The following TRNAU1AP variants were observed in gnomAD, a reference collection of about 807,000 sequenced individuals.
TRNAU1AP encodes tRNA selenocysteine 1-associated protein 1.
TRNAU1AP carries 33 observed loss-of-function variants against 43.3 expected under a neutral mutation model. That is an observed-to-expected ratio of 0.76 (90% CI 0.58 to 1.02). The LOEUF (loss-of-function observed/expected upper bound fraction) is 1.02, where lower values mean the gene tolerates loss of function less well. Among genes scored for constraint, TRNAU1AP ranks in the 50% least tolerant of loss-of-function variants. The probability of loss-of-function intolerance (pLI) is 0.00; values close to 1 mark genes in which losing one functional copy is unlikely to be tolerated. For synonymous variants in TRNAU1AP, 143 were observed against 129.1 expected (o/e 1.11, Z -0.73); for missense variants, 290 against 362.7 (o/e 0.80, Z 1.63).
chr1:28,561,081 T>G (rs1232583699), intron 3 of TRNAU1AP: 5 of 1,372,190 alleles, frequency 3.6e-6, no homozygotes, highest in Non-Finnish European at 4.7e-6. Context: ...AAGGACACAT[T>G]TCAAGAGAGT....
chr1:28,553,734 C>A lies in TRNAU1AP; in HGVS notation c.122C>A (p.Thr41Asn), dbSNP rs373345940. Residue 41 changes from threonine (T) to asparagine (N), a missense_variant, in exon 2 of 9, where the codon ACT (threonine) becomes AAT (asparagine). Thr to Asn is a moderately conservative substitution (Grantham distance 65, BLOSUM62 0). Transcript: ENST00000373830. ...MSVKIIRNRL[T>N]GIPAGYCFVE... Reference sequence around the variant, plus strand: ...GTCAAAATTATCCGAAACCGCCTCACTGGGTAAGTCTCATCTCAGGTCTCT... The same window carrying A: ...GTCAAAATTATCCGAAACCGCCTCAATGGGTAAGTCTCATCTCAGGTCTCT... 28 of 1,613,654 alleles carry A rather than the reference C, an allele frequency of 1.7e-5. No individual in the cohort carries two copies. The highest frequency in any genetic ancestry group is 5.0e-5 in the Admixed American group (3 of 59,992).
At chr1:28,553,286 A>C in intron 1 of TRNAU1AP, 149 bp downstream of exon 1, 3 of 973,130 alleles carry the variant, frequency 3.1e-6, no homozygotes, top group Non-Finnish European at 3.0e-6. Flanking sequence ...AGCGGGTTCC[A>C]GCATCTAAGT....
chr1:28,567,671 T>C (rs890590535), intron 6 of TRNAU1AP, among the ~76,000 whole-genome samples: 26 of 152,188 alleles, frequency 1.7e-4, no homozygotes, highest in Admixed American at 1.4e-3. Context: ...GGTGACAGCA[T>C]TGGAAAAGCT....
chr1:28,572,690 T>G (rs1665686830), intron 8 of TRNAU1AP, among the ~76,000 whole-genome samples: 1 of 151,716 alleles, frequency 6.6e-6, no homozygotes, highest in South Asian at 2.1e-4. Context: ...ATCCCAGCAC[T>G]TTGGGAGGCC....
At chr1:28,573,375 T>C (rs1407117263) in intron 8 of TRNAU1AP, among the ~76,000 whole-genome samples, 1 of 145,588 alleles carries the variant, frequency 6.9e-6, no homozygotes, top group Non-Finnish European at 1.5e-5. Flanking sequence ...GCACGGTGGC[T>C]CACCCCTGTA....
chr1:28,559,794 C>G (rs1231015714), intron 2 of TRNAU1AP, among the ~76,000 whole-genome samples: 1 of 152,070 alleles, frequency 6.6e-6, no homozygotes, highest in African/African-American at 2.4e-5. Context: ...ACAATTTTGA[C>G]AAGAGTATTC....
At position 28,577,421 on chromosome 1, in the gene TRNAU1AP, T is replaced by C. The variant is rs1488458296; in HGVS notation, c.728-79T>C. 4.0e-6 allele frequency: 6 copies of C among 1,518,504 alleles called. No individual in the cohort carries two copies. In the African/African-American group the frequency reaches 8.3e-5, roughly 21 times the overall value. 94.1% of individuals were successfully genotyped at this position (1,518,504 alleles called of 1,614,324 possible). ...ATAGGGACCTTACCATAGAACAGAG[T>C]TCTGGGAGAAGGGAACTGAACCAGG... On this transcript the variant is annotated intron_variant, in intron 8 of 8. Transcript: ENST00000373830.
At chr1:28,569,655 G>A (rs61786008) in intron 6 of TRNAU1AP, among the ~76,000 whole-genome samples, 1 of 147,712 alleles carries the variant, frequency 6.8e-6, no homozygotes, top group Non-Finnish European at 1.5e-5. Flanking sequence ...TTGTGCCACT[G>A]CACTCCAGCC....
chr1:28,572,804 G>GCA (rs1665689863), intron 8 of TRNAU1AP, among the ~76,000 whole-genome samples: 1 of 151,222 alleles, frequency 6.6e-6, no homozygotes, highest in Non-Finnish European at 1.5e-5. Context: ...GTGTGGTGAT[G>GCA]GGCGCCTGTA....
rs1410859507 is a variant in TRNAU1AP, at chr1:28,554,218, AAAC to A, written c.125+484_125+486del. On this transcript the variant is annotated intron_variant, in intron 2 of 8. Transcript: ENST00000373830. Reference sequence around the variant, plus strand: ...TGTCTCAAAAAAAAAAAAAACAAAAAAACAAAAAACGCAGGACTCAAGCGAGAC... The same window carrying A: ...TGTCTCAAAAAAAAAAAAAACAAAAAAAAAAACGCAGGACTCAAGCGAGAC... Among the ~76,000 whole-genome samples the A allele has an allele frequency of 5.3e-4, 77 of 145,582 alleles. 1 individual carries two copies. Among genetic ancestry groups the A allele is most frequent in the African/African-American group, 1.8e-3 (63 of 35,704 alleles).
intron 2 of TRNAU1AP, among the ~76,000 whole-genome samples, chr1:28,557,125 G>A (rs1458428031): frequency 6.7e-6 from 1 of 150,296 alleles, no homozygotes; most frequent in Admixed American, 6.6e-5. Flanking sequence ...ACTGTTTATT[G>A]AAATAAGATA....
chr1:28,556,916 C>T (rs911483384), intron 2 of TRNAU1AP, among the ~76,000 whole-genome samples: 3 of 151,876 alleles, frequency 2.0e-5, no homozygotes, highest in Admixed American at 6.6e-5. Flanking sequence ...ATCTTCTGAC[C>T]TCTGCCTGCC....
chr1:28,577,758 TCATGAATGTTTCTA>T lies in TRNAU1AP; in HGVS notation c.*125_*138del. 8.9e-7 allele frequency: 1 copy of T among 1,125,554 alleles called. No homozygotes were observed. The allele number at this position is 1,125,554 out of a possible 1,614,324, so 69.7% of individuals were successfully genotyped here. On this transcript the variant is annotated 3_prime_UTR_variant, in exon 9 of 9. Transcript: ENST00000373830. ...TTTTAATAATGACTGTTTTTGGAGA[TCATGAATGTTTCTA>T]CAACACTGCTGCATTCATTTGACCA...
chr1:28,568,726 A>G (rs1197166795), intron 6 of TRNAU1AP, among the ~76,000 whole-genome samples: 1 of 152,046 alleles, frequency 6.6e-6, no homozygotes, highest in Non-Finnish European at 1.5e-5. Context: ...ATACTGTTAA[A>G]CATCATGCAA....
In TRNAU1AP at chr1:28,577,408, C is replaced by G. The variant is rs1224194160; in HGVS notation, c.728-92C>G. ...AGAAACTGGCAGGATAGGGACCTTA[C>G]CATAGAACAGAGTTCTGGGAGAAGG... is the stretch of plus-strand genomic sequence containing the variant. On this transcript the variant is annotated intron_variant, in intron 8 of 8. Transcript: ENST00000373830. 8 of 1,438,974 alleles carry G rather than the reference C, an allele frequency of 5.6e-6. No individual in the cohort carries two copies. In the East Asian group the frequency reaches 1.6e-4, roughly 29 times the overall value. The allele number at this position is 1,438,974 out of a possible 1,614,324, so 89.1% of individuals were successfully genotyped here.
Position 28,571,298 on chromosome 1 carries a change from A to G in TRNAU1AP, c.653A>G (p.Tyr218Cys). The G allele has an allele frequency of 1.9e-6, 3 of 1,614,012 alleles. No homozygotes were observed. The highest frequency in any genetic ancestry group is 2.5e-6 in the Non-Finnish European group (3 of 1,179,912). Residue 218 changes from tyrosine (Y) to cysteine (C), a missense_variant, in exon 7 of 9, where the codon TAC (tyrosine) becomes TGC (cysteine). Coordinates refer to ENST00000373830, the MANE Select transcript of TRNAU1AP (RefSeq NM_017846.5). ...GYDQNTGSYS[Y>C]SYPQYGYTQS... ...GACCAGAACACAGGCAGCTACAGCT[A>G]CAGTTACCCCCAGTATGGCTATACC...
rs34983069 is a variant in TRNAU1AP at position 28,575,856 on chromosome 1, CTTT to C, written c.728-1624_728-1622del. ...TACAGGCTTGAGCCACTGCGCCTGG[CTTT>C]TTTTTTTTTTTTTTTTTTTGAGATA... On this transcript the variant is annotated intron_variant, in intron 8 of 8. Transcript: ENST00000373830. Among the ~76,000 whole-genome samples, 452 of 60,674 alleles carry C rather than the reference CTTT, an allele frequency of 7.4e-3. 3 individuals are homozygous for C. The highest frequency in any genetic ancestry group is 0.031 in the African/African-American group (424 of 13,564). 39.8% of individuals were successfully genotyped at this position (60,674 alleles called of 152,430 possible). A position where few individuals can be genotyped will look rare whatever the true frequency, so the allele number is the denominator to read the frequency against.
At chr1:28,568,632 A>G (rs1665591769) in intron 6 of TRNAU1AP, among the ~76,000 whole-genome samples, 1 of 152,132 alleles carries the variant, frequency 6.6e-6, no homozygotes, top group Non-Finnish European at 1.5e-5. Flanking sequence ...TTTGCCTCCC[A>G]GAGGACATTG....
intron 8 of TRNAU1AP, among the ~76,000 whole-genome samples, chr1:28,575,069 CT>C (rs1665743985): frequency 1.3e-5 from 2 of 152,314 alleles, no homozygotes; most frequent in South Asian, 2.1e-4. Flanking sequence ...TTGTTTCCCC[CT>C]GGGAGACATT....
Sources: gnomAD v4.1 joint callset for allele counts (sites outside exome capture counted in the v4.1 genomes callset) on GRCh38, gnomAD v4.1.1 for gene constraint, MANE v1.5 for transcripts, NCBI Gene and HGNC (gene_info 2026-07-23, HGNC 2026-07-21) for gene names.